DUSP3: variants seen among roughly 807,000 people sequenced by gnomAD.
DUSP3 encodes dual specificity protein phosphatase 3.
DUSP3 carries 7 observed loss-of-function variants against 15.5 expected under a neutral mutation model. That is an observed-to-expected ratio of 0.45 (90% confidence interval 0.26 to 0.85). DUSP3 has a LOEUF of 0.85. Ranked by LOEUF, DUSP3 falls within the 40% of genes least tolerant of loss-of-function variation. The probability of loss-of-function intolerance (pLI) is 0.18; values close to 1 mark genes in which losing one functional copy is unlikely to be tolerated. For synonymous variants in DUSP3, 86 were observed against 104.2 expected (o/e 0.83, Z 1.07); for missense variants, 209 against 251.7 (o/e 0.83, Z 1.15).
intron 2 of DUSP3, among the ~76,000 whole-genome samples, chr17:43,774,402 C>A (rs964496680): frequency 2.0e-5 from 3 of 152,204 alleles, no homozygotes; most frequent in African/African-American, 7.2e-5. Flanking sequence ...CACATTAACA[C>A]ATCTTCCTCA....
At position 43,769,743 on chromosome 17, in the gene DUSP3, G is replaced by T. The variant is rs1380319519; in HGVS notation, c.424C>A (p.Arg142=). Reference sequence around the variant, plus strand: ...GCAGACTTGACGTCCATCTTCTGCCGCATCATGAGGTAGGCGATAACTAGC... The same window carrying T: ...GCAGACTTGACGTCCATCTTCTGCCTCATCATGAGGTAGGCGATAACTAGC... ...PTLVIAYLMM[R]QKMDVKSALS... The change falls in exon 3 of 3, where the codon CGG becomes AGG. Residue 142 remains arginine, a synonymous_variant. Coordinates refer to ENST00000226004, the MANE Select transcript of DUSP3 (RefSeq NM_004090.4). The T allele has an allele frequency of 1.2e-6, 2 of 1,613,872 alleles. No homozygotes were observed. Among genetic ancestry groups the T allele is most frequent in the Non-Finnish European group, 1.7e-6 (2 of 1,179,962 alleles).
chr17:43,770,705 A>C (rs1598300443), intron 2 of DUSP3, among the ~76,000 whole-genome samples: 1 of 149,180 alleles, frequency 6.7e-6, no homozygotes, highest in Non-Finnish European at 1.5e-5. Context: ...GGAGCTGGGG[A>C]TGGGGGTGGT....
rs1289761917 is a variant in DUSP3 at position 43,769,240 on chromosome 17, GGGAA to G, written c.*365_*368del. ...CACTCAAGAGAGGATTCGGGAGTTG[GGGAA>G]GGGAGGTCATGAGGGACCTCTGTGA... is the stretch of plus-strand genomic sequence containing the variant. On this transcript the variant is annotated 3_prime_UTR_variant, in exon 3 of 3. Transcript: ENST00000226004. The G allele has an allele frequency of 4.1e-6, 1 of 244,402 alleles. No individual in the cohort carries two copies. The highest frequency in any genetic ancestry group is 7.9e-6 in the Non-Finnish European group (1 of 125,818). 15.1% of individuals were successfully genotyped at this position (244,402 alleles called of 1,614,324 possible). A position where few individuals can be genotyped will look rare whatever the true frequency, so the allele number is the denominator to read the frequency against.
At chr17:43,775,755 C>T (rs1030784226) in intron 1 of DUSP3, among the ~76,000 whole-genome samples, 2 of 152,206 alleles carry the variant, frequency 1.3e-5, no homozygotes, top group African/African-American at 4.8e-5. Flanking sequence ...GTTTCCAAAG[C>T]TCTTTTGGGT....
chr17:43,773,802 AAAAG>A (rs1308975667), intron 2 of DUSP3, among the ~76,000 whole-genome samples: 1 of 152,078 alleles, frequency 6.6e-6, no homozygotes, highest in Admixed American at 6.6e-5. Context: ...GTCTCTTTAA[AAAAG>A]AGAGAGAGAG....
At position 43,774,834 on chromosome 17, in the gene DUSP3, A is replaced by G; in HGVS notation, c.230T>C (p.Phe77Ser). Residue 77 changes from phenylalanine to serine, a missense_variant, in exon 2 of 3, where the codon TTC becomes TCC. Coordinates refer to ENST00000226004, the MANE Select transcript of DUSP3 (RefSeq NM_004090.4). The stretch of plus-strand genomic sequence containing the variant: ...GTATGTGATGCCGGAGTCCTTGTAG[A>G]AGTTGGCATTGGTGTTGACGTGCAT... ...SFMHVNTNAN[F>S]YKDSGITYLG... is the part of the protein sequence containing the mutation. The G allele has an allele frequency of 1.2e-6, 2 of 1,614,082 alleles. No individual in the cohort carries two copies. Among genetic ancestry groups the G allele is most frequent in the Non-Finnish European group, 1.7e-6 (2 of 1,180,016 alleles).
rs765107182 is a variant in DUSP3, at chr17:43,769,335, G to C, written c.*274C>G. 4.7e-5 allele frequency: 21 copies of C among 447,224 alleles called. No homozygotes were observed. Among genetic ancestry groups the C allele is most frequent in the African/African-American group, 8.0e-5 (4 of 49,904 alleles). The allele number at this position is 447,224 out of a possible 1,614,324, so 27.7% of individuals were successfully genotyped here. A position where few individuals can be genotyped will look rare whatever the true frequency, so the allele number is the denominator to read the frequency against. ...GCCATCGGGAAGCATGCAGGCCACA[G>C]GCCTTCCCCCTCTGAGCCCCCATCT... is the stretch of plus-strand genomic sequence containing the variant. On this transcript the variant is annotated 3_prime_UTR_variant, in exon 3 of 3. Coordinates refer to ENST00000226004, the MANE Select transcript of DUSP3 (RefSeq NM_004090.4).
chr17:43,777,544 AC>A, intron 1 of DUSP3: 1 of 455,800 alleles, frequency 2.2e-6, no homozygotes, highest in South Asian at 1.5e-5. Context: ...CAAGACATTG[AC>A]CCTGTCCTTG....
intron 2 of DUSP3, 44 bp downstream of exon 2, chr17:43,774,668 A>G (rs1974364931): frequency 6.2e-7 from 1 of 1,603,928 alleles, no homozygotes. Flanking sequence ...GGGACAGTCC[A>G]GTCAGAGCTG....
chr17:43,770,856 T>G lies in DUSP3; in HGVS notation c.353-1042A>C, dbSNP rs1244146722. Among the ~76,000 whole-genome samples, 5 of 150,228 alleles carry G rather than the reference T, an allele frequency of 3.3e-5. No individual in the cohort carries two copies. The East Asian group carries it at 1.0e-3, about 31-fold the overall frequency. ...TCACTTCAGCCTCCGCCTCCCGGGT[T>G]CAAGCAATTCTCCTGCCTCAGCCTC... On this transcript the variant is annotated intron_variant, in intron 2 of 2. Coordinates refer to ENST00000226004, the MANE Select transcript of DUSP3 (RefSeq NM_004090.4).
In DUSP3 at chr17:43,769,929, C is replaced by T. The variant is rs149859099; in HGVS notation, c.353-115G>A. On this transcript the variant is annotated intron_variant, in intron 2 of 2. Transcript: ENST00000226004. ...AGCACAATGTCACGCCACTGTGTGC[C>T]TGTCAGAATGGCTAAAATGAAAAGG... The T allele has an allele frequency of 7.8e-6, 9 of 1,149,150 alleles. No homozygotes were observed. The East Asian group carries it at 2.0e-4, about 26-fold the overall frequency. The allele number at this position is 1,149,150 out of a possible 1,614,324, so 71.2% of individuals were successfully genotyped here. A position where few individuals can be genotyped will look rare whatever the true frequency, so the allele number is the denominator to read the frequency against.
At chr17:43,778,760 CG>C (rs1567783705) in intron 1 of DUSP3, 39 bp downstream of exon 1, 2 of 1,489,704 alleles carry the variant, frequency 1.3e-6, no homozygotes, top group Non-Finnish European at 1.8e-6. Flanking sequence ...CGGGGCGTCC[CG>C]AGAGGGACGG....
At chr17:43,770,397 C>G (rs1430323616) in intron 2 of DUSP3, among the ~76,000 whole-genome samples, 1 of 152,200 alleles carries the variant, frequency 6.6e-6, no homozygotes, top group Non-Finnish European at 1.5e-5. Flanking sequence ...GTGGCTCACG[C>G]CTGTAATCCC....
intron 1 of DUSP3, 49 bp from the exon 2 acceptor site, chr17:43,774,987 C>G (rs954139087): frequency 6.3e-7 from 1 of 1,581,288 alleles, no homozygotes; most frequent in Non-Finnish European, 8.7e-7. Flanking sequence ...AATGGCAGCC[C>G]CAGGGGGAGG....
chr17:43,778,534 T>C (rs1005142795), intron 1 of DUSP3, among the ~76,000 whole-genome samples: 3 of 152,092 alleles, frequency 2.0e-5, no homozygotes, highest in Non-Finnish European at 4.4e-5. Flanking sequence ...GGGTGGCGGC[T>C]GGGACCCGGG....
rs1186853687 is a variant in DUSP3 at position 43,767,613 on chromosome 17, C to G, written c.*1996G>C. 6.6e-6 allele frequency: 1 copy of G among 152,252 alleles called. No individual in the cohort carries two copies. Among genetic ancestry groups the G allele is most frequent in the Non-Finnish European group, 1.5e-5 (1 of 68,028 alleles). The allele number at this position is 152,252 out of a possible 1,614,324, so 9.4% of individuals were successfully genotyped here. A position where few individuals can be genotyped will look rare whatever the true frequency, so the allele number is the denominator to read the frequency against. ...TTTAAAAAAGGTCACAATACAAGAA[C>G]AAGCTCTACTAACTTTACAGGGTTA... On this transcript the variant is annotated 3_prime_UTR_variant, in exon 3 of 3. Coordinates refer to ENST00000226004, the MANE Select transcript of DUSP3 (RefSeq NM_004090.4).
At chr17:43,777,154 G>A (rs1304801461) in intron 1 of DUSP3, among the ~76,000 whole-genome samples, 2 of 152,086 alleles carry the variant, frequency 1.3e-5, no homozygotes, top group African/African-American at 4.8e-5. Context: ...TGTATTTTTA[G>A]TAGAGACAGG....
At position 43,775,939 on chromosome 17, in the gene DUSP3, C is replaced by T. The variant is rs559758637; in HGVS notation, c.126-1001G>A. Among the ~76,000 whole-genome samples the T allele has an allele frequency of 2.6e-5, 4 of 152,092 alleles. No individual in the cohort carries two copies. The East Asian group carries it at 5.8e-4, about 22-fold the overall frequency. On this transcript the variant is annotated intron_variant, in intron 1 of 2. Transcript: ENST00000226004. The stretch of plus-strand genomic sequence containing the variant: ...CAGCCTGGCCAACATGGTGAAACCC[C>T]GTCTCTACTAAAAATACAAAAGTGA...
Position 43,769,478 on chromosome 17 carries a change from G to A in DUSP3, c.*131C>T. 9.1e-7 allele frequency: 1 copy of A among 1,094,544 alleles called. No homozygotes were observed. Among genetic ancestry groups the A allele is most frequent in the Non-Finnish European group, 1.3e-6 (1 of 767,068 alleles). 67.8% of individuals were successfully genotyped at this position (1,094,544 alleles called of 1,614,324 possible). On this transcript the variant is annotated 3_prime_UTR_variant, in exon 3 of 3. Coordinates refer to ENST00000226004, the MANE Select transcript of DUSP3 (RefSeq NM_004090.4). ...GGAAAGTGGCCCAGGACTGTGTTGG[G>A]ACACACTTGTAGACAAGTGCCTTGT...
Sources: gnomAD v4.1 joint callset for allele counts (sites outside exome capture counted in the v4.1 genomes callset) on GRCh38, gnomAD v4.1.1 for gene constraint, MANE v1.5 for transcripts, NCBI Gene and HGNC (gene_info 2026-07-23, HGNC 2026-07-21) for gene names.